The following MGAT4C variants were observed in gnomAD, a reference collection of about 807,000 sequenced individuals.
The protein encoded by MGAT4C is alpha-1,3-mannosyl-glycoprotein 4-beta-N-acetylglucosaminyltransferase C.
A neutral mutation model predicts 40.1 loss-of-function variants in MGAT4C; 19 were observed. That is an observed-to-expected ratio of 0.47 (90% CI 0.33 to 0.70). The LOEUF (loss-of-function observed/expected upper bound fraction) is 0.70, where lower values mean the gene tolerates loss of function less well. Ranked by LOEUF, MGAT4C falls within the 30% of genes least tolerant of loss-of-function variation. The pLI is 0.02. For synonymous variants in MGAT4C, 181 were observed against 187.1 expected, an observed-to-expected ratio of 0.97 and a Z score of 0.27; for missense variants, 491 against 563.2, an observed-to-expected ratio of 0.87 and a Z score of 1.30.
intron 1 of MGAT4C, among the ~76,000 whole-genome samples, chr12:86,838,069 C>T (rs1371090515): frequency 6.6e-6 from 1 of 152,112 alleles, no homozygotes; most frequent in Admixed American, 6.5e-5. Flanking sequence ...GAAACTGTAG[C>T]AATCAATTTT....
chr12:86,661,257 A>T (rs910641217), intron 2 of MGAT4C, among the ~76,000 whole-genome samples: 4 of 152,068 alleles, frequency 2.6e-5, no homozygotes, highest in Admixed American at 2.0e-4. Flanking sequence ...ATTAGATTTT[A>T]AAAAATCACA....
chr12:85,967,648 C>T lies in MGAT4C; in HGVS notation c.*11641G>A. 6.6e-6 allele frequency: 1 copy of T among 151,874 alleles called. No homozygotes were observed. Among genetic ancestry groups the T allele is most frequent in the East Asian group, 1.9e-4 (1 of 5,182 alleles). The allele number at this position is 151,874 out of a possible 1,614,324, so 9.4% of individuals were successfully genotyped here. A position where few individuals can be genotyped will look rare whatever the true frequency, so the allele number is the denominator to read the frequency against. ...ATGTAGAAAAATATTTTAAATAAGA[C>T]AGAGCATTAAAATAATGTATTCATT... On this transcript the variant is annotated 3_prime_UTR_variant, in exon 5 of 5. Transcript: ENST00000611864.
At chr12:86,749,457 T>C (rs905343880) in intron 1 of MGAT4C, among the ~76,000 whole-genome samples, 1 of 151,736 alleles carries the variant, frequency 6.6e-6, no homozygotes, top group Non-Finnish European at 1.5e-5. Context: ...TTGATCTTAC[T>C]TTGATATGAT....
At chr12:86,765,930 C>T (rs544413042) in intron 1 of MGAT4C, among the ~76,000 whole-genome samples, 34 of 152,104 alleles carry the variant, frequency 2.2e-4, no homozygotes, top group Non-Finnish European at 4.3e-4. Context: ...AATGTAAAGA[C>T]CATCAAGACT....
At chr12:85,992,028 A>G (rs1432547404) in intron 2 of MGAT4C, among the ~76,000 whole-genome samples, 1 of 152,176 alleles carries the variant, frequency 6.6e-6, no homozygotes, top group Non-Finnish European at 1.5e-5. Context: ...CTGGCCAGAA[A>G]AGCAACACCC....
At chr12:86,548,008 C>T (rs932862058) in intron 2 of MGAT4C, among the ~76,000 whole-genome samples, 1 of 152,104 alleles carries the variant, frequency 6.6e-6, no homozygotes, top group African/African-American at 2.4e-5. Context: ...GAAGTCTTCC[C>T]ACCTCCGGTA....
chr12:86,559,393 T>C (rs925054842), intron 2 of MGAT4C, among the ~76,000 whole-genome samples: 3 of 151,970 alleles, frequency 2.0e-5, no homozygotes, highest in African/African-American at 7.2e-5. Context: ...GAACATTCTC[T>C]AGGATAGACC....
At chr12:86,292,946 A>G (rs940903919) in intron 4 of MGAT4C, among the ~76,000 whole-genome samples, 1 of 152,134 alleles carries the variant, frequency 6.6e-6, no homozygotes, top group Non-Finnish European at 1.5e-5. Context: ...AATGAAAACT[A>G]GTTCATATGT....
At chr12:86,592,013 A>C (rs1961350591) in intron 2 of MGAT4C, among the ~76,000 whole-genome samples, 1 of 152,126 alleles carries the variant, frequency 6.6e-6, no homozygotes. Context: ...TTCATTAAAT[A>C]AGTGTACATA....
chr12:86,814,494 ATTATATTAATTCCAATGCTC>A (rs1441470058), intron 1 of MGAT4C, among the ~76,000 whole-genome samples: 1 of 151,052 alleles, frequency 6.6e-6, no homozygotes, highest in African/African-American at 2.4e-5. Flanking sequence ...TTCTCTTATA[ATTATATTAATTCCAATGCTC>A]TTATATTAAT....
chr12:86,338,820 A>G (rs892354157), intron 3 of MGAT4C, among the ~76,000 whole-genome samples: 4 of 151,882 alleles, frequency 2.6e-5, no homozygotes, highest in African/African-American at 9.7e-5. Flanking sequence ...TTAGCCAGGC[A>G]TGGTGGCACA....
chr12:86,353,312 C>G (rs1168815176), intron 3 of MGAT4C, among the ~76,000 whole-genome samples: 4 of 152,054 alleles, frequency 2.6e-5, no homozygotes, highest in Admixed American at 2.6e-4. Flanking sequence ...AATTAAAACC[C>G]TGGGTATAAT....
At chr12:86,632,582 A>T (rs1169178949) in intron 2 of MGAT4C, among the ~76,000 whole-genome samples, 2 of 152,170 alleles carry the variant, frequency 1.3e-5, no homozygotes, top group Non-Finnish European at 2.9e-5. Flanking sequence ...CAGCCATAAA[A>T]AAGGATGAGT....
At chr12:86,211,757 C>T (rs1401227290) in intron 1 of MGAT4C, among the ~76,000 whole-genome samples, 5 of 152,080 alleles carry the variant, frequency 3.3e-5, no homozygotes, top group African/African-American at 9.7e-5. Flanking sequence ...CTGATCCATA[C>T]TGGAGTTGTT....
At chr12:86,396,767 T>C (rs1396646600) in intron 3 of MGAT4C, among the ~76,000 whole-genome samples, 4 of 152,152 alleles carry the variant, frequency 2.6e-5, no homozygotes, top group African/African-American at 9.7e-5. Context: ...TAATTGACTA[T>C]TGACTCATTC....
intron 3 of MGAT4C, among the ~76,000 whole-genome samples, chr12:86,381,458 G>A (rs1299917891): frequency 1.3e-5 from 2 of 152,154 alleles, no homozygotes; most frequent in African/African-American, 4.8e-5. Flanking sequence ...TGAGCCTGGG[G>A]TTCTGAAGTC....
At position 86,546,863 on chromosome 12, in the gene MGAT4C, G is replaced by A. The variant is rs189135666; in HGVS notation, c.-228-111598C>T. On this transcript the variant is annotated intron_variant, in intron 2 of 7. Transcript: ENST00000548651. ...CACTGTCTAGATGCCGCCTAAAAGC[G>A]TCATGGTAAAAACAGAAATGCTAGG... Among the ~76,000 whole-genome samples, 703 of 152,004 alleles carry A rather than the reference G, an allele frequency of 4.6e-3. 7 individuals carry two copies. The highest frequency in any genetic ancestry group is 6.6e-3 in the Admixed American group (100 of 15,244).
intron 1 of MGAT4C, among the ~76,000 whole-genome samples, chr12:86,821,346 A>C (rs1952702812): frequency 6.6e-6 from 1 of 150,844 alleles, no homozygotes; most frequent in African/African-American, 2.4e-5. Flanking sequence ...AAAGTTAAGC[A>C]ACGTTTAATC....
intron 2 of MGAT4C, among the ~76,000 whole-genome samples, chr12:86,634,784 A>T (rs1018551456): frequency 2.6e-5 from 4 of 152,144 alleles, no homozygotes; most frequent in Admixed American, 2.0e-4. Flanking sequence ...TGCAAAATGG[A>T]ATCTTATATA....
Sources: gnomAD v4.1 joint callset for allele counts (sites outside exome capture counted in the v4.1 genomes callset) on GRCh38, gnomAD v4.1.1 for gene constraint, MANE v1.5 for transcripts, NCBI Gene and HGNC (gene_info 2026-07-23, HGNC 2026-07-21) for gene names.